BCL2L1: variants seen among roughly 807,000 people sequenced by gnomAD.
BCL2L1 encodes bcl-2-like protein 1.
In BCL2L1, 1 loss-of-function variant was observed where a neutral mutation model predicts 18.7. That is an observed-to-expected ratio of 0.05 (90% confidence interval 0.02 to 0.25). The LOEUF is 0.25. Among genes scored for constraint, BCL2L1 ranks in the 10% least tolerant of loss-of-function variants. BCL2L1 has a pLI of 1.00. For missense variants in BCL2L1, 207 were observed against 304.9 expected (o/e 0.68, Z 2.39); for synonymous variants, 103 against 122.7 (o/e 0.84, Z 1.06).
chr20:31,666,020 T>A lies in BCL2L1; in HGVS notation c.631A>T (p.Asn211Tyr). The change falls in exon 3 of 3, where the codon AAC (asparagine) becomes TAC (tyrosine). Residue 211 changes from asparagine (N) to tyrosine (Y), a missense_variant. Coordinates refer to ENST00000307677, the MANE Select transcript of BCL2L1 (RefSeq NM_138578.3). ...GTCATGCCCGTCAGGAACCAGCGGT[T>A]GAAGCGTTCCTGGCCCTTTCGGCTC... is the stretch of plus-strand genomic sequence containing the variant. ...AESRKGQERFNRWFLTGMTVA... is the reference protein window; with the variant it reads ...AESRKGQERFYRWFLTGMTVA... 6.2e-7 allele frequency: 1 copy of A among 1,614,066 alleles called. No individual in the cohort carries two copies. Among genetic ancestry groups the A allele is most frequent in the South Asian group, 1.1e-5 (1 of 91,084 alleles).
At chr20:31,709,840 C>CAAAAAAAAAAA (rs56937786) in intron 2 of BCL2L1, among the ~76,000 whole-genome samples, 67 of 64,056 alleles carry the variant, frequency 1.0e-3, no homozygotes, top group Non-Finnish European at 1.8e-3. Flanking sequence ...GACTCCATCT[C>CAAAAAAAAAAA]AAAAAAAAAA....
intron 2 of BCL2L1, among the ~76,000 whole-genome samples, chr20:31,713,053 T>C (rs1052200366): frequency 2.6e-5 from 4 of 152,074 alleles, no homozygotes; most frequent in Admixed American, 6.6e-5. Flanking sequence ...TCCCATCCTA[T>C]GCAGGGGTGG....
At chr20:31,712,249 G>A (rs1180852650) in intron 2 of BCL2L1, among the ~76,000 whole-genome samples, 1 of 152,166 alleles carries the variant, frequency 6.6e-6, no homozygotes, top group Non-Finnish European at 1.5e-5. Flanking sequence ...ACACAGTGGA[G>A]CGTTTAAAAG....
chr20:31,680,938 G>A (rs2060848999), intron 2 of BCL2L1, among the ~76,000 whole-genome samples: 1 of 152,222 alleles, frequency 6.6e-6, no homozygotes, highest in Admixed American at 6.5e-5. Context: ...TCAGAGACCT[G>A]AATGAAATGA....
intron 2 of BCL2L1, among the ~76,000 whole-genome samples, chr20:31,705,365 T>C (rs556325221): frequency 6.6e-6 from 1 of 152,280 alleles, no homozygotes; most frequent in East Asian, 1.9e-4. Context: ...TGAAGTATTA[T>C]TATTATCCCC....
chr20:31,709,999 G>A (rs2061428598), intron 2 of BCL2L1, among the ~76,000 whole-genome samples: 1 of 152,090 alleles, frequency 6.6e-6, no homozygotes, highest in South Asian at 2.1e-4. Context: ...GCCTGCTCTT[G>A]TTACATTCTT....
At chr20:31,709,773 T>C (rs1177063261) in intron 2 of BCL2L1, among the ~76,000 whole-genome samples, 1 of 143,420 alleles carries the variant, frequency 7.0e-6, no homozygotes, top group Non-Finnish European at 1.5e-5. Flanking sequence ...AGGCGGAGCT[T>C]GCAGTGAGCC....
chr20:31,717,113 G>A (rs1041502258), intron 2 of BCL2L1, among the ~76,000 whole-genome samples: 9 of 152,184 alleles, frequency 5.9e-5, no homozygotes, highest in African/African-American at 1.9e-4. Context: ...TTATACTTCC[G>A]TAGAAAAGCA....
intron 2 of BCL2L1, among the ~76,000 whole-genome samples, chr20:31,671,281 T>C (rs1466478767): frequency 6.6e-6 from 1 of 151,966 alleles, no homozygotes; most frequent in East Asian, 1.9e-4. Context: ...GAAAACTGGG[T>C]CTCCTGACTT....
At chr20:31,718,553 G>A (rs1357865114) in intron 2 of BCL2L1, among the ~76,000 whole-genome samples, 1 of 151,958 alleles carries the variant, frequency 6.6e-6, no homozygotes, top group Non-Finnish European at 1.5e-5. Flanking sequence ...TACTTGGGAG[G>A]CTGAGGCAGG....
At chr20:31,694,378 G>C (rs1033796927) in intron 2 of BCL2L1, among the ~76,000 whole-genome samples, 15 of 152,278 alleles carry the variant, frequency 9.9e-5, no homozygotes, top group African/African-American at 3.1e-4. Flanking sequence ...TACCAAGGGA[G>C]GGTGGTGGGA....
intron 2 of BCL2L1, chr20:31,713,233 T>C (rs1568897196): frequency 1.0e-6 from 1 of 970,384 alleles, no homozygotes; most frequent in Non-Finnish European, 1.2e-6. Context: ...TAGCCTAGGG[T>C]AGGGGGTAAT....
Position 31,665,762 on chromosome 20 carries a change from G to A in BCL2L1, c.*187C>T, listed in dbSNP as rs1265066225. The A allele has an allele frequency of 9.6e-6, 7 of 727,134 alleles. No homozygotes were observed. In the East Asian group the frequency reaches 1.7e-4, roughly 17 times the overall value. 45.0% of individuals were successfully genotyped at this position (727,134 alleles called of 1,614,324 possible). The stretch of plus-strand genomic sequence containing the variant: ...GAGGCCAAGGGAACTGAGGTGTGGG[G>A]GTCTCACAGAAGTGTGATAAATTCT... On this transcript the variant is annotated 3_prime_UTR_variant, in exon 3 of 3. Transcript: ENST00000307677.
At chr20:31,689,063 T>C (rs1407751425) in intron 2 of BCL2L1, among the ~76,000 whole-genome samples, 1 of 150,752 alleles carries the variant, frequency 6.6e-6, no homozygotes, top group Non-Finnish European at 1.5e-5. Context: ...GGTAAAATAA[T>C]AGGGAAAGAA....
At chr20:31,723,908 G>C, upstream of BCL2L1, 2 of 985,452 alleles carry the variant, frequency 2.0e-6, no homozygotes, top group Non-Finnish European at 2.4e-6. Context: ...GCCGGCCTCA[G>C]TTTCCCCTGA....
At chr20:31,666,113 GT>G (rs1401738112) in intron 2 of BCL2L1, 27 bp from the exon 3 acceptor site, 1 of 1,613,134 alleles carries the variant, frequency 6.2e-7, no homozygotes, top group African/African-American at 1.3e-5. Context: ...GGAAGGTGCA[GT>G]TTTAGTCCTC....
intron 2 of BCL2L1, among the ~76,000 whole-genome samples, chr20:31,683,856 T>C (rs2060909346): frequency 6.8e-6 from 1 of 148,060 alleles, no homozygotes; most frequent in African/African-American, 2.5e-5. Context: ...AGAATAGTGG[T>C]TGACAGATAG....
At chr20:31,692,584 G>T (rs1228970300) in intron 2 of BCL2L1, among the ~76,000 whole-genome samples, 1 of 151,998 alleles carries the variant, frequency 6.6e-6, no homozygotes, top group Non-Finnish European at 1.5e-5. Context: ...GACCAGCCTG[G>T]CCAATGTGGT....
chr20:31,703,861 G>A (rs1279089990), intron 2 of BCL2L1, among the ~76,000 whole-genome samples: 3 of 145,100 alleles, frequency 2.1e-5, no homozygotes, highest in South Asian at 2.2e-4. Context: ...GCAGTGGTGC[G>A]ATCTTGGCTC....
Sources: allele counts gnomAD v4.1 joint callset (sites outside exome capture counted in the v4.1 genomes callset), GRCh38; gene constraint gnomAD v4.1.1; transcripts MANE v1.5; gene names NCBI Gene and HGNC (gene_info 2026-07-23, HGNC 2026-07-21).